Variants in ARHGAP26 observed in about 807,000 individuals in gnomAD.
The protein encoded by ARHGAP26 is rho GTPase-activating protein 26.
Under a neutral mutation model 104.8 loss-of-function variants are expected in ARHGAP26, and 38 were observed. The ratio of observed to expected loss-of-function variants is 0.36; its 90% CI spans 0.28 to 0.48. ARHGAP26 has a LOEUF of 0.48. Ranked by LOEUF, ARHGAP26 falls within the 20% of genes least tolerant of loss-of-function variation. The pLI, the probability that ARHGAP26 is intolerant of heterozygous loss-of-function variation, is 0.99. For synonymous variants in ARHGAP26, 341 were observed against 340.0 expected, an observed-to-expected ratio of 1.00 and a Z score of -0.03; for missense variants, 704 against 947.9, an observed-to-expected ratio of 0.74 and a Z score of 3.38.
Position 143,119,208 on chromosome 5 carries a change from T to C in ARHGAP26, c.1539-1780T>C, listed in dbSNP as rs188161711. ...TAGTCAGATGTAGTGTGGAGAAGCC[T>C]GACGGGGAAAAATGATCATCATCCA... is the stretch of plus-strand genomic sequence containing the variant. On this transcript the variant is annotated intron_variant, in intron 17 of 22. Coordinates refer to ENST00000645722, the MANE Select transcript of ARHGAP26 (RefSeq NM_001135608.3). Among the ~76,000 whole-genome samples, 554 of 152,314 alleles carry C rather than the reference T, an allele frequency of 3.6e-3. 3 individuals are homozygous for C. Among genetic ancestry groups the C allele is most frequent in the Non-Finnish European group, 5.1e-3 (345 of 68,020 alleles).
At chr5:142,964,493 A>G (rs1052381392) in intron 11 of ARHGAP26, among the ~76,000 whole-genome samples, 1 of 152,136 alleles carries the variant, frequency 6.6e-6, no homozygotes, top group African/African-American at 2.4e-5. Context: ...CTAGCTAGAT[A>G]CTTTGGCTCC....
rs1031664689 is a variant in ARHGAP26, at chr5:142,838,510, G to A, written c.155-34890G>A. ...TGGGATAGAATCTAGGTTTAGCCAC[G>A]CTTATTGGCTGTGTCACCTCAGACA... On this transcript the variant is annotated intron_variant, in intron 1 of 22. Coordinates refer to ENST00000645722, the MANE Select transcript of ARHGAP26 (RefSeq NM_001135608.3). 3.9e-5 allele frequency among the ~76,000 whole-genome samples: 6 copies of A among 152,276 alleles called. No individual in the cohort carries two copies. The East Asian group carries it at 5.8e-4, about 15-fold the overall frequency.
At chr5:142,918,730 A>G (rs948781402) in intron 10 of ARHGAP26, among the ~76,000 whole-genome samples, 2 of 152,140 alleles carry the variant, frequency 1.3e-5, no homozygotes, top group African/African-American at 4.8e-5. Context: ...TTCACAGACT[A>G]ATGTTAGCTC....
intron 20 of ARHGAP26, among the ~76,000 whole-genome samples, chr5:143,186,072 C>G (rs1805090852): frequency 6.6e-6 from 1 of 152,212 alleles, no homozygotes; most frequent in Non-Finnish European, 1.5e-5. Context: ...CAATGGCCCA[C>G]CTGCCACCCT....
chr5:143,140,856 T>C (rs1054225728), intron 19 of ARHGAP26, among the ~76,000 whole-genome samples: 1 of 152,246 alleles, frequency 6.6e-6, no homozygotes, highest in African/African-American at 2.4e-5. Flanking sequence ...TAATTCATCC[T>C]AGACCCTCTC....
chr5:142,945,388 C>T (rs1252129537), intron 11 of ARHGAP26, among the ~76,000 whole-genome samples: 1 of 152,190 alleles, frequency 6.6e-6, no homozygotes, highest in Non-Finnish European at 1.5e-5. Flanking sequence ...GTTAACGCTA[C>T]ACACAATTTT....
rs1764629227 is a variant in ARHGAP26, at chr5:142,930,952, G to A, written c.1029-1095G>A. ...GGGGCCCAGGCTTGTGCTGCTCAGG[G>A]TGTTGCTCAGCCTGTGTGGTTTTAA... On this transcript the variant is annotated intron_variant, in intron 10 of 22. Coordinates refer to ENST00000645722, the MANE Select transcript of ARHGAP26 (RefSeq NM_001135608.3). Among the ~76,000 whole-genome samples, 3 of 152,294 alleles carry A rather than the reference G, an allele frequency of 2.0e-5. No individual in the cohort carries two copies. In the South Asian group the frequency reaches 6.2e-4, roughly 32 times the overall value.
At chr5:142,872,700 A>C (rs1012341015) in intron 1 of ARHGAP26, among the ~76,000 whole-genome samples, 4 of 152,134 alleles carry the variant, frequency 2.6e-5, no homozygotes, top group African/African-American at 7.2e-5. Flanking sequence ...TGCGTGTGGC[A>C]TGTGTTTTTA....
At chr5:143,183,170 C>T (rs948259552) in intron 20 of ARHGAP26, among the ~76,000 whole-genome samples, 1 of 151,018 alleles carries the variant, frequency 6.6e-6, no homozygotes, top group Non-Finnish European at 1.5e-5. Flanking sequence ...TATAATCTCA[C>T]AAAAGATGTA....
At chr5:143,035,606 A>G (rs1782504471) in intron 12 of ARHGAP26, among the ~76,000 whole-genome samples, 2 of 152,142 alleles carry the variant, frequency 1.3e-5, no homozygotes. Context: ...CTTGGGTGAT[A>G]GGTGCATGAA....
chr5:142,961,212 TG>T (rs2152660732), intron 11 of ARHGAP26, among the ~76,000 whole-genome samples: 1 of 152,240 alleles, frequency 6.6e-6, no homozygotes, highest in Admixed American at 6.5e-5. Flanking sequence ...GGATCCACGC[TG>T]GGCACGGTGG....
At chr5:143,061,808 A>G (rs968232365) in intron 17 of ARHGAP26, among the ~76,000 whole-genome samples, 1 of 152,234 alleles carries the variant, frequency 6.6e-6, no homozygotes, top group East Asian at 1.9e-4. Flanking sequence ...GAGTCCCAGC[A>G]TACTTTATTG....
chr5:142,949,240 A>AGAGAGAGAGAGAG (rs1767906177), intron 11 of ARHGAP26, among the ~76,000 whole-genome samples: 2 of 126,986 alleles, frequency 1.6e-5, no homozygotes, highest in African/African-American at 6.0e-5. Context: ...GAGGAGAGAG[A>AGAGAGAGAGAGAG]GAGAGAGAGA....
chr5:142,985,986 T>C (rs1774663126), intron 11 of ARHGAP26, among the ~76,000 whole-genome samples: 1 of 152,184 alleles, frequency 6.6e-6, no homozygotes, highest in Admixed American at 6.5e-5. Flanking sequence ...TGTGTTTTTA[T>C]AGCAGCATGA....
chr5:143,004,388 A>G (rs980719685), intron 11 of ARHGAP26, among the ~76,000 whole-genome samples: 4 of 152,108 alleles, frequency 2.6e-5, no homozygotes, highest in Non-Finnish European at 5.9e-5. Context: ...ACTTCATCCA[A>G]ATCCATTTCT....
At chr5:142,992,717 C>G (rs747567502) in intron 11 of ARHGAP26, among the ~76,000 whole-genome samples, 1 of 152,114 alleles carries the variant, frequency 6.6e-6, no homozygotes, top group South Asian at 2.1e-4. Context: ...TGAGTCACCA[C>G]GCCTGGCCAG....
chr5:142,906,116 G>A (rs1249573379), intron 8 of ARHGAP26, among the ~76,000 whole-genome samples: 1 of 152,118 alleles, frequency 6.6e-6, no homozygotes, highest in East Asian at 1.9e-4. Context: ...TTTGGATTAT[G>A]CATCTCTGGT....
chr5:143,115,210 G>A (rs1450734853), intron 17 of ARHGAP26, among the ~76,000 whole-genome samples: 1 of 151,962 alleles, frequency 6.6e-6, no homozygotes. Flanking sequence ...GTATGCACCT[G>A]TAATCCCAGC....
intron 1 of ARHGAP26, among the ~76,000 whole-genome samples, chr5:142,773,051 T>C (rs1755562827): frequency 6.6e-6 from 1 of 152,214 alleles, no homozygotes; most frequent in Admixed American, 6.5e-5. Context: ...TAATGTATTC[T>C]ACCACTACTA....
Sources: gnomAD v4.1 joint callset for allele counts (sites outside exome capture counted in the v4.1 genomes callset) on GRCh38, gnomAD v4.1.1 for gene constraint, MANE v1.5 for transcripts, NCBI Gene and HGNC (gene_info 2026-07-23, HGNC 2026-07-21) for gene names.